The following RFTN2 variants were observed in gnomAD, a reference collection of about 807,000 sequenced individuals.
The protein encoded by RFTN2 is raftlin-2.
Under a neutral mutation model 52.7 loss-of-function variants are expected in RFTN2, and 34 were observed. The ratio of observed to expected loss-of-function variants is 0.64; its 90% confidence interval spans 0.49 to 0.86. The LOEUF is 0.86. RFTN2 is among the 40% of genes least tolerant of loss of function. The pLI, the probability that RFTN2 is intolerant of heterozygous loss-of-function variation, is 0.00. For missense variants in RFTN2, 536 were observed against 600.1 expected, an observed-to-expected ratio of 0.89 and a Z score of 1.12; for synonymous variants, 203 against 217.7, an observed-to-expected ratio of 0.93 and a Z score of 0.59.
chr2:197,595,364 G>A (rs1182086308), intron 8 of RFTN2, among the ~76,000 whole-genome samples: 1 of 152,168 alleles, frequency 6.6e-6, no homozygotes, highest in African/African-American at 2.4e-5. Context: ...ATATTAACAG[G>A]AGAAAAGGTT....
At chr2:197,589,203 CAG>C (rs2087649428) in intron 8 of RFTN2, among the ~76,000 whole-genome samples, 1 of 108,222 alleles carries the variant, frequency 9.2e-6, no homozygotes, top group South Asian at 3.4e-4. Context: ...GCCTGGGTGA[CAG>C]AGTGACTCTG....
rs756460295 is a variant in RFTN2, at chr2:197,630,983, T to C, written c.928+28A>G. On this transcript the variant is annotated intron_variant, in intron 5 of 8. Coordinates refer to ENST00000295049, the MANE Select transcript of RFTN2 (RefSeq NM_144629.3). ...TTGATACAAGTTCAAATTCCTCAGA[T>C]ATAAAATATCATTAACATAAAACTT... 5.6e-6 allele frequency: 8 copies of C among 1,428,592 alleles called. No individual in the cohort carries two copies. In the African/African-American group the frequency reaches 1.1e-4, roughly 20 times the overall value. 88.5% of individuals were successfully genotyped at this position (1,428,592 alleles called of 1,614,324 possible). A position where few individuals can be genotyped will look rare whatever the true frequency, so the allele number is the denominator to read the frequency against.
intron 7 of RFTN2, among the ~76,000 whole-genome samples, chr2:197,612,748 G>A (rs968404405): frequency 7.2e-5 from 11 of 152,194 alleles, no homozygotes; most frequent in Non-Finnish European, 1.6e-4. Context: ...ATTGCCTAGG[G>A]TAATTGAAGC....
At chr2:197,598,460 C>A (rs1049815279) in intron 7 of RFTN2, among the ~76,000 whole-genome samples, 2 of 152,120 alleles carry the variant, frequency 1.3e-5, no homozygotes, top group Non-Finnish European at 2.9e-5. Context: ...CTGGAACGAT[C>A]CGAAGATGGG....
intron 3 of RFTN2, among the ~76,000 whole-genome samples, chr2:197,634,699 A>AT (rs56902894): frequency 0.01 from 1,433 of 141,450 alleles, 16 homozygotes; most frequent in Non-Finnish European, 0.012. Flanking sequence ...TTTATTTTTT[A>AT]TTTTTTTTTT....
intron 3 of RFTN2, among the ~76,000 whole-genome samples, chr2:197,634,842 T>C (rs888000560): frequency 6.6e-6 from 1 of 151,872 alleles, no homozygotes; most frequent in African/African-American, 2.4e-5. Flanking sequence ...CCCCCTAACT[T>C]GTCATCTAGC....
chr2:197,630,385 C>A, intron 5 of RFTN2, among the ~76,000 whole-genome samples: 1 of 151,806 alleles, frequency 6.6e-6, no homozygotes, highest in East Asian at 1.9e-4. Flanking sequence ...CTTTTTTTAA[C>A]CCTCATCTCT....
intron 1 of RFTN2, among the ~76,000 whole-genome samples, chr2:197,671,538 T>C (rs1396022460): frequency 6.6e-6 from 1 of 152,254 alleles, no homozygotes; most frequent in Admixed American, 6.5e-5. Context: ...ATATAATTCC[T>C]AACCTTGATG....
At position 197,633,664 on chromosome 2, in the gene RFTN2, A is replaced by T. The variant is rs1005438930; in HGVS notation, c.718+54T>A. Reference sequence around the variant, plus strand: ...CATATTTCTAAAAAAAACCTCAAAAACTTATTTTGCTTAAACTATAGTATA... The same window carrying T: ...CATATTTCTAAAAAAAACCTCAAAATCTTATTTTGCTTAAACTATAGTATA... On this transcript the variant is annotated intron_variant, in intron 4 of 8. Transcript: ENST00000295049. The T allele has an allele frequency of 4.8e-6, 7 of 1,460,964 alleles. No individual in the cohort carries two copies. The African/African-American group carries it at 8.5e-5, about 18-fold the overall frequency. 90.5% of individuals were successfully genotyped at this position (1,460,964 alleles called of 1,614,324 possible). A position where few individuals can be genotyped will look rare whatever the true frequency, so the allele number is the denominator to read the frequency against.
rs1179925669 is a variant in RFTN2 at position 197,595,983 on chromosome 2, T to A, written c.1233+8A>T. On this transcript the variant is annotated splice_region_variant and intron_variant, in intron 8 of 8. Transcript: ENST00000295049. ...ACATTCAGTTAATAAAGCATCAATTTTACTCACATCTGGTGTTTGAGCAGC... is the reference window on the plus strand; with the variant it reads ...ACATTCAGTTAATAAAGCATCAATTATACTCACATCTGGTGTTTGAGCAGC... 6.4e-7 allele frequency: 1 copy of A among 1,567,250 alleles called. No homozygotes were observed. Among genetic ancestry groups the A allele is most frequent in the East Asian group, 2.2e-5 (1 of 44,530 alleles).
At position 197,618,837 on chromosome 2, in the gene RFTN2, C is replaced by A. The variant is rs1255970216; in HGVS notation, c.929-916G>T. Among the ~76,000 whole-genome samples the A allele has an allele frequency of 3.4e-5, 5 of 148,050 alleles. No individual in the cohort carries two copies. In the East Asian group the frequency reaches 1.0e-3, roughly 30 times the overall value. On this transcript the variant is annotated intron_variant, in intron 5 of 8. Transcript: ENST00000295049. The stretch of plus-strand genomic sequence containing the variant: ...ACCGCCCCGTCTGAGAAGTGAGGAG[C>A]CCCTCCGCCCGGCAGCCGCCCCGTC...
chr2:197,599,866 TA>T (rs200080885), intron 7 of RFTN2, among the ~76,000 whole-genome samples: 2,741 of 152,150 alleles, frequency 0.018, 82 homozygotes, highest in African/African-American at 0.064. Context: ...TTTTATATTT[TA>T]TTTTTTTTGA....
rs1234993606 is a variant in RFTN2, at chr2:197,568,529, A to G, written c.*3479T>C. On this transcript the variant is annotated 3_prime_UTR_variant, in exon 9 of 9. Transcript: ENST00000295049. The stretch of plus-strand genomic sequence containing the variant: ...TTACCAGCAAATGTTATTTAAATTG[A>G]TATGTTACAAGTTCTGATGAGTAAC... The G allele has an allele frequency of 6.6e-6, 1 of 152,252 alleles. No homozygotes were observed. Among genetic ancestry groups the G allele is most frequent in the Admixed American group, 6.5e-5 (1 of 15,290 alleles). 9.4% of individuals were successfully genotyped at this position (152,252 alleles called of 1,614,324 possible).
intron 8 of RFTN2, among the ~76,000 whole-genome samples, chr2:197,589,029 T>C (rs1483898035): frequency 6.6e-6 from 1 of 151,978 alleles, no homozygotes; most frequent in East Asian, 1.9e-4. Flanking sequence ...TGAACCAGCC[T>C]GGCCAACATA....
intron 8 of RFTN2, among the ~76,000 whole-genome samples, chr2:197,577,335 A>G (rs751297993): frequency 6.6e-6 from 1 of 152,234 alleles, no homozygotes; most frequent in Non-Finnish European, 1.5e-5. Flanking sequence ...TTTCTCAACA[A>G]TGGCCCACCT....
At chr2:197,625,466 G>GT (rs2088338733) in intron 5 of RFTN2, among the ~76,000 whole-genome samples, 1 of 152,044 alleles carries the variant, frequency 6.6e-6, no homozygotes, top group South Asian at 2.1e-4. Flanking sequence ...CTGCCCAGAG[G>GT]TGGGCCCGGG....
intron 3 of RFTN2, among the ~76,000 whole-genome samples, chr2:197,641,818 C>G (rs2088679195): frequency 6.6e-6 from 1 of 152,164 alleles, no homozygotes; most frequent in Non-Finnish European, 1.5e-5. Context: ...GAGCAATGCT[C>G]AAATATTTCA....
chr2:197,581,895 A>G (rs566402016), intron 8 of RFTN2, among the ~76,000 whole-genome samples: 33 of 152,212 alleles, frequency 2.2e-4, no homozygotes, highest in African/African-American at 7.7e-4. Context: ...AACCTAGCTG[A>G]CCCCATAGAT....
intron 7 of RFTN2, among the ~76,000 whole-genome samples, chr2:197,607,765 A>C (rs746665254): frequency 6.6e-6 from 1 of 152,138 alleles, no homozygotes; most frequent in Non-Finnish European, 1.5e-5. Context: ...TTTGCCTATG[A>C]CCCTGAATTT....
Sources: allele counts gnomAD v4.1 joint callset (sites outside exome capture counted in the v4.1 genomes callset), GRCh38; gene constraint gnomAD v4.1.1; transcripts MANE v1.5; gene names NCBI Gene and HGNC (gene_info 2026-07-23, HGNC 2026-07-21).